Variants in ADCY5 observed in about 807,000 individuals in gnomAD.
ADCY5 encodes adenylate cyclase type 5.
A neutral mutation model predicts 119.7 loss-of-function variants in ADCY5; 30 were observed. The observed-to-expected ratio is 0.25, with a 90% CI of 0.19 to 0.34. The LOEUF (loss-of-function observed/expected upper bound fraction) is 0.34. ADCY5 is among the 10% of genes least tolerant of loss of function. The probability of loss-of-function intolerance (pLI) is 1.00; values close to 1 mark genes in which losing one functional copy is unlikely to be tolerated. For missense variants in ADCY5, 1,324 were observed against 1,775.2 expected, an observed-to-expected ratio of 0.75 and a Z score of 4.57; for synonymous variants, 753 against 762.2, an observed-to-expected ratio of 0.99 and a Z score of 0.20.
intron 9 of ADCY5, 39 bp from the exon 10 acceptor site, chr3:123,319,857 A>G: frequency 6.2e-7 from 1 of 1,603,664 alleles, no homozygotes; most frequent in African/African-American, 1.3e-5. Flanking sequence ...CAGGCTGACC[A>G]CAGGGGCACC....
chr3:123,367,851 G>T, intron 1 of ADCY5: 1 of 1,175,880 alleles, frequency 8.5e-7, no homozygotes, highest in Non-Finnish European at 1.1e-6. Flanking sequence ...GAATCCAGAA[G>T]AAAAAAAAAA....
At chr3:123,424,661 T>C (rs1041477770) in intron 1 of ADCY5, among the ~76,000 whole-genome samples, 28 of 152,300 alleles carry the variant, frequency 1.8e-4, no homozygotes, top group African/African-American at 6.7e-4. Context: ...TTACCCAGAA[T>C]GACCGTCCTC....
chr3:123,387,559 G>A (rs1039671738), intron 1 of ADCY5, among the ~76,000 whole-genome samples: 3 of 152,190 alleles, frequency 2.0e-5, no homozygotes, highest in Non-Finnish European at 4.4e-5. Context: ...CTACAAGGCC[G>A]CAGAGAAGCT....
chr3:123,445,359 C>A (rs1289013813), intron 1 of ADCY5, among the ~76,000 whole-genome samples: 2 of 131,656 alleles, frequency 1.5e-5, no homozygotes, highest in South Asian at 2.5e-4. Context: ...AGGCTCAGCA[C>A]CCCTTTCCTG....
intron 3 of ADCY5, among the ~76,000 whole-genome samples, chr3:123,345,405 T>A (rs1341980918): frequency 6.6e-6 from 1 of 152,212 alleles, no homozygotes; most frequent in Non-Finnish European, 1.5e-5. Flanking sequence ...TTCCACTGAA[T>A]GAGCGAAACC....
intron 1 of ADCY5, among the ~76,000 whole-genome samples, chr3:123,365,403 G>C (rs1193239659): frequency 2.0e-5 from 3 of 152,206 alleles, no homozygotes; most frequent in South Asian, 4.1e-4. Flanking sequence ...GAAGATGCTA[G>C]AAGTAGAGAG....
chr3:123,448,387 G>T lies in ADCY5; in HGVS notation c.159C>A (p.Ser53=). The part of the protein sequence containing the change: ...PHAPGGSARG[S]TKKPGGAVTP... ...TCACCGCCCCCCCGGGTTTCTTGGT[G>T]GAGCCGCGGGCAGAGCCCCCGGGGG... is the stretch of plus-strand genomic sequence containing the variant. Residue 53 remains serine (S), a synonymous_variant, in exon 1 of 21, where the codon TCC becomes TCA. Coordinates refer to ENST00000462833, the MANE Select transcript of ADCY5 (RefSeq NM_183357.3). The T allele has an allele frequency of 6.8e-7, 1 of 1,461,430 alleles. No homozygotes were observed. The allele number at this position is 1,461,430 out of a possible 1,614,324, so 90.5% of individuals were successfully genotyped here.
chr3:123,403,875 T>C (rs1361347873), intron 1 of ADCY5, among the ~76,000 whole-genome samples: 1 of 152,182 alleles, frequency 6.6e-6, no homozygotes, highest in Non-Finnish European at 1.5e-5. Flanking sequence ...CTGGAATCCA[T>C]ATCCATCCTC....
chr3:123,293,675 C>T (rs377188646), intron 17 of ADCY5, among the ~76,000 whole-genome samples: 14 of 151,946 alleles, frequency 9.2e-5, no homozygotes, highest in African/African-American at 3.1e-4. Context: ...ATTGCAAGCA[C>T]GGAACAGGGA....
At chr3:123,423,604 G>A (rs960906087) in intron 1 of ADCY5, among the ~76,000 whole-genome samples, 2 of 152,102 alleles carry the variant, frequency 1.3e-5, no homozygotes, top group Non-Finnish European at 2.9e-5. Flanking sequence ...ATCTGCTGAG[G>A]ACAGACAAGC....
intron 2 of ADCY5, among the ~76,000 whole-genome samples, chr3:123,348,456 TG>T (rs970782923): frequency 6.6e-6 from 1 of 152,004 alleles, no homozygotes; most frequent in African/African-American, 2.4e-5. Context: ...TCCGGTGTCA[TG>T]GGGGTCTGGG....
intron 1 of ADCY5, among the ~76,000 whole-genome samples, chr3:123,360,575 T>C (rs893271774): frequency 6.6e-6 from 1 of 152,124 alleles, no homozygotes; most frequent in Non-Finnish European, 1.5e-5. Flanking sequence ...CCTCTAAGTC[T>C]TATCATAGAC....
chr3:123,417,819 T>C (rs915304519), intron 1 of ADCY5, among the ~76,000 whole-genome samples: 4 of 152,190 alleles, frequency 2.6e-5, no homozygotes, highest in African/African-American at 9.7e-5. Context: ...TTTCCAGCCC[T>C]GACATTCTAG....
intron 14 of ADCY5, 98 bp from the exon 15 acceptor site, chr3:123,300,393 C>T: frequency 7.5e-7 from 1 of 1,338,610 alleles, no homozygotes; most frequent in South Asian, 1.4e-5. Context: ...CAAGTGAGGC[C>T]TGGGCTGGGC....
At chr3:123,319,157 C>A (rs1176545795) in intron 10 of ADCY5, among the ~76,000 whole-genome samples, 1 of 152,044 alleles carries the variant, frequency 6.6e-6, no homozygotes, top group African/African-American at 2.4e-5. Flanking sequence ...AGTTCAAGAT[C>A]AGCCTGTCCA....
intron 1 of ADCY5, among the ~76,000 whole-genome samples, chr3:123,366,874 T>C (rs1294547497): frequency 6.6e-6 from 1 of 152,188 alleles, no homozygotes; most frequent in African/African-American, 2.4e-5. Flanking sequence ...GCCAAGGTCT[T>C]TGCCACCTGG....
intron 1 of ADCY5, among the ~76,000 whole-genome samples, chr3:123,368,605 A>C (rs1353581449): frequency 1.3e-5 from 2 of 152,214 alleles, no homozygotes; most frequent in Admixed American, 1.3e-4. Flanking sequence ...AAAAAAAATT[A>C]GCTGGACATG....
intron 1 of ADCY5, among the ~76,000 whole-genome samples, chr3:123,384,991 A>C (rs956174466): frequency 6.6e-6 from 1 of 152,134 alleles, no homozygotes; most frequent in Non-Finnish European, 1.5e-5. Flanking sequence ...TACAGGGAAC[A>C]CTGCAAAGCC....
chr3:123,342,581 C>A (rs1015864797), intron 3 of ADCY5, among the ~76,000 whole-genome samples: 6 of 152,196 alleles, frequency 3.9e-5, no homozygotes, highest in African/African-American at 7.2e-5. Context: ...CGTGCCCCAT[C>A]CTGAACCCTG....
Sources: allele counts gnomAD v4.1 joint callset (sites outside exome capture counted in the v4.1 genomes callset), GRCh38; gene constraint gnomAD v4.1.1; transcripts MANE v1.5; gene names NCBI Gene and HGNC (gene_info 2026-07-23, HGNC 2026-07-21).